FGF13: variants seen among roughly 807,000 people sequenced by gnomAD.
The protein encoded by FGF13 is fibroblast growth factor homologous factor 2.
Under a neutral mutation model 19.5 loss-of-function variants are expected in FGF13, and 2 were observed. The ratio of observed to expected loss-of-function variants is 0.10; its 90% CI spans 0.04 to 0.32. FGF13 has a LOEUF of 0.32. Among genes scored for constraint, FGF13 ranks in the 10% least tolerant of loss-of-function variants. FGF13 has a pLI of 1.00. For synonymous variants in FGF13, 72 were observed against 76.9 expected, an observed-to-expected ratio of 0.94 and a Z score of 0.33; for missense variants, 113 against 192.7, an observed-to-expected ratio of 0.59 and a Z score of 2.45.
Position 138,940,978 on chromosome X carries a change from C to T in FGF13, c.-112-76328G>A, listed in dbSNP as rs189309894. 4.9e-3 allele frequency among the ~76,000 whole-genome samples: 547 copies of T among 111,369 alleles called. 2 individuals are homozygous for T. The highest frequency in any genetic ancestry group is 6.1e-3 in the Non-Finnish European group (324 of 53,035). On this transcript the variant is annotated intron_variant, in intron 1 of 2. Transcript: ENST00000421460. ...GAATAATGTCATTGTTTTATCTCAA[C>T]GCATGCAGAGAAGGCCTTCAATAAA...
intron 1 of FGF13, among the ~76,000 whole-genome samples, chrX:138,882,539 C>A (rs747704975): frequency 1.8e-5 from 2 of 111,676 alleles, no homozygotes; most frequent in South Asian, 7.5e-4. Context: ...TCAGGATAAC[C>A]AACAAAACCT....
chrX:138,792,358 C>A (rs1421843563), intron 3 of FGF13, among the ~76,000 whole-genome samples: 1 of 112,095 alleles, frequency 8.9e-6, no homozygotes, highest in East Asian at 2.8e-4. Context: ...TGTCTTGCCC[C>A]AAATTGCATG....
chrX:138,683,292 G>A (rs1271369733), intron 3 of FGF13, among the ~76,000 whole-genome samples: 1 of 110,565 alleles, frequency 9.0e-6, no homozygotes, highest in Non-Finnish European at 1.9e-5. Flanking sequence ...AATGTTTGAA[G>A]ATGGGGATTA....
intron 1 of FGF13, among the ~76,000 whole-genome samples, chrX:138,884,050 A>G (rs1465713263): frequency 9.0e-6 from 1 of 111,677 alleles, no homozygotes; most frequent in Non-Finnish European, 1.9e-5. Flanking sequence ...CTGAGTCTTT[A>G]TTTCTTCATC....
chrX:139,175,618 G>T (rs922251989), intron 1 of FGF13, among the ~76,000 whole-genome samples: 2 of 111,688 alleles, frequency 1.8e-5, no homozygotes. Flanking sequence ...AAAGAGTGTT[G>T]AATATTACTG....
intron 1 of FGF13, among the ~76,000 whole-genome samples, chrX:138,899,200 G>T (rs5931512): frequency 0.23 from 25,650 of 110,066 alleles, 2,815 homozygotes; most frequent in South Asian, 0.41. Context: ...TGTGTTTTTT[G>T]GGGGGGTTGG....
intron 2 of FGF13, among the ~76,000 whole-genome samples, chrX:138,862,974 T>G (rs781463620): frequency 7.2e-5 from 8 of 110,463 alleles, no homozygotes. Context: ...CCTCCTCAAT[T>G]TTATTATATG....
Position 138,628,927 on chromosome X carries a change from CT to C in FGF13, c.*3922del, listed in dbSNP as rs1025253472. 5.4e-5 allele frequency: 6 copies of C among 111,944 alleles called. No individual in the cohort carries two copies. Among genetic ancestry groups the C allele is most frequent in the African/African-American group, 1.9e-4 (6 of 30,853 alleles). The allele number at this position is 111,944 out of a possible 1,213,427, so 9.2% of individuals were successfully genotyped here. On this transcript the variant is annotated 3_prime_UTR_variant, in exon 5 of 5. Transcript: ENST00000315930. ...GGAGGGGGAATTGGAGCCTGTTTTG[CT>C]TTTAAAAAGTTGCAAAAAGCCTGAA...
intron 1 of FGF13, among the ~76,000 whole-genome samples, chrX:139,063,345 C>A (rs2092342286): frequency 9.0e-6 from 1 of 111,625 alleles, no homozygotes. Context: ...AGAAAACATA[C>A]CATCTGTGAA....
chrX:138,678,302 G>A (rs1293509896), intron 3 of FGF13, among the ~76,000 whole-genome samples: 2 of 110,965 alleles, frequency 1.8e-5, no homozygotes, highest in African/African-American at 3.3e-5. Context: ...TACCAGCATG[G>A]CACATGTATA....
At chrX:139,156,259 G>A (rs1255651213) in intron 1 of FGF13, among the ~76,000 whole-genome samples, 2 of 111,648 alleles carry the variant, frequency 1.8e-5, no homozygotes, top group African/African-American at 6.5e-5. Context: ...GTCACATGCA[G>A]ACAACTGAAC....
At chrX:138,755,884 T>C (rs773200204) in intron 3 of FGF13, among the ~76,000 whole-genome samples, 15 of 112,087 alleles carry the variant, frequency 1.3e-4, no homozygotes, top group African/African-American at 4.2e-4. Context: ...ACAATGTGAC[T>C]ATATTTGGAG....
At chrX:138,959,305 T>C (rs1275625178) in intron 1 of FGF13, among the ~76,000 whole-genome samples, 2 of 112,132 alleles carry the variant, frequency 1.8e-5, no homozygotes, top group Non-Finnish European at 3.8e-5. Flanking sequence ...GAGCAGGTTG[T>C]TCAGATTCCA....
chrX:139,035,659 C>T (rs779333356), intron 1 of FGF13, among the ~76,000 whole-genome samples: 15 of 111,167 alleles, frequency 1.3e-4, no homozygotes, highest in African/African-American at 2.0e-4. Context: ...ATAAAGACAA[C>T]GACAAGTCTG....
At chrX:138,637,992 G>C (rs1457383006) in intron 3 of FGF13, among the ~76,000 whole-genome samples, 1 of 111,419 alleles carries the variant, frequency 9.0e-6, no homozygotes, top group African/African-American at 3.3e-5. Context: ...TAACACTTCA[G>C]AGGGCCTTTC....
At chrX:138,810,861 C>T (rs1273717716) in intron 3 of FGF13, among the ~76,000 whole-genome samples, 2 of 111,850 alleles carry the variant, frequency 1.8e-5, no homozygotes, top group East Asian at 2.8e-4. Context: ...TCATCACTGG[C>T]CATCAGAGAA....
At chrX:139,113,609 C>T (rs1184760780) in intron 1 of FGF13, among the ~76,000 whole-genome samples, 3 of 112,481 alleles carry the variant, frequency 2.7e-5, no homozygotes, top group Non-Finnish European at 5.6e-5. Flanking sequence ...TTATACTTGG[C>T]TTATCACTTA....
intron 1 of FGF13, among the ~76,000 whole-genome samples, chrX:139,172,286 C>G (rs1428044101): frequency 3.6e-5 from 4 of 111,976 alleles, no homozygotes; most frequent in East Asian, 5.7e-4. Flanking sequence ...AGCTCTTGAG[C>G]TATTCCTGCA....
chrX:139,135,448 G>T (rs1344818654), intron 1 of FGF13, among the ~76,000 whole-genome samples: 2 of 112,301 alleles, frequency 1.8e-5, no homozygotes, highest in African/African-American at 3.2e-5. Flanking sequence ...GAATTGAAGG[G>T]TGATAGAGCA....
Sources: gnomAD v4.1 joint callset for allele counts (sites outside exome capture counted in the v4.1 genomes callset) on GRCh38, gnomAD v4.1.1 for gene constraint, MANE v1.5 for transcripts, NCBI Gene and HGNC (gene_info 2026-07-23, HGNC 2026-07-21) for gene names.